The following ALG12 variants were observed in gnomAD, a reference collection of about 807,000 sequenced individuals.
ALG12 encodes ALG12 alpha-1,6-mannosyltransferase.
In ALG12, 36 loss-of-function variants were observed where a neutral mutation model predicts 46.0. The ratio of observed to expected loss-of-function variants is 0.78; its 90% CI spans 0.60 to 1.03. The LOEUF (loss-of-function observed/expected upper bound fraction) is 1.03. Ranked by LOEUF, ALG12 falls within the 50% of genes least tolerant of loss-of-function variation. The probability of loss-of-function intolerance (pLI) is 0.00; values close to 1 mark genes in which losing one functional copy is unlikely to be tolerated. For synonymous variants in ALG12, 326 were observed against 291.6 expected, an observed-to-expected ratio of 1.12 and a Z score of -1.20; for missense variants, 599 against 633.5, an observed-to-expected ratio of 0.95 and a Z score of 0.58.
At chr22:49,915,992 G>A (rs561559934) in intron 1 of ALG12, among the ~76,000 whole-genome samples, 1 of 152,336 alleles carries the variant, frequency 6.6e-6, no homozygotes, top group South Asian at 2.1e-4. Flanking sequence ...GGGAGCGGTG[G>A]CTCATTCCTG....
the ALG12 span, among the ~76,000 whole-genome samples, chr22:49,878,301 C>CA: frequency 0.017 from 1,824 of 107,178 alleles, 74 homozygotes; most frequent in African/African-American, 0.064. Flanking sequence ...GACACTGTCT[C>CA]AAAAAAAAAA....
At chr22:49,899,835 C>A (rs535729236), downstream of ALG12, among the ~76,000 whole-genome samples, 1 of 152,018 alleles carries the variant, frequency 6.6e-6, no homozygotes, top group South Asian at 2.1e-4. Context: ...GAAATCCTTG[C>A]ATCGACACCA....
chr22:49,861,712 C>T, the ALG12 span, among the ~76,000 whole-genome samples: 1 of 152,204 alleles, frequency 6.6e-6, no homozygotes, highest in African/African-American at 2.4e-5. Flanking sequence ...GCTGGGATTA[C>T]AGGCGTGAGC....
the ALG12 span, chr22:49,889,457 A>G: frequency 6.0e-6 from 1 of 166,890 alleles, no homozygotes; most frequent in East Asian, 1.9e-4. Flanking sequence ...GCCTGCCTTT[A>G]TGGGGTTTTT....
chr22:49,885,834 G>A, the ALG12 span: 2 of 1,539,714 alleles, frequency 1.3e-6, no homozygotes. Flanking sequence ...AGGAAGCTGA[G>A]AGTGGTGTGA....
At chr22:49,885,615 T>C in the ALG12 span, 1 of 1,611,224 alleles carries the variant, frequency 6.2e-7, no homozygotes, top group Non-Finnish European at 8.5e-7. Context: ...TTTACGATTC[T>C]CACCCAGTTG....
chr22:49,885,833 A>G, the ALG12 span: 1 of 1,546,098 alleles, frequency 6.5e-7, no homozygotes, highest in East Asian at 2.2e-5. Flanking sequence ...AAGGAAGCTG[A>G]GAGTGGTGTG....
intron 3 of ALG12, among the ~76,000 whole-genome samples, chr22:49,912,076 G>A (rs151082626): frequency 0.13 from 15,921 of 119,226 alleles, 995 homozygotes; most frequent in South Asian, 0.19. Flanking sequence ...GCCTGGCCCC[G>A]GGATCACCCT....
At chr22:49,895,609 A>G (rs1479091476), downstream of ALG12, among the ~76,000 whole-genome samples, 3 of 151,720 alleles carry the variant, frequency 2.0e-5, no homozygotes, top group Non-Finnish European at 4.4e-5. Context: ...CTGAGGTCGC[A>G]CCATTGCACT....
At chr22:49,886,586 C>T in the ALG12 span, 9 of 1,556,076 alleles carry the variant, frequency 5.8e-6, no homozygotes, top group East Asian at 2.3e-5. The surrounding 1 kb of genome is among the most constrained non-coding windows in gnomAD (Gnocchi z 7.7). Context: ...TTCGAGGAGA[C>T]GATGGGCATC....
chr22:49,901,463 GGTAT>G lies in ALG12; in HGVS notation c.*2371_*2374del, dbSNP rs977439458. On this transcript the variant is annotated 3_prime_UTR_variant, in exon 10 of 10. Transcript: ENST00000330817. Reference sequence around the variant, plus strand: ...TTTATGCACACGTGTGTGCATGTGTGGTATGTATGCATGGTGTGTGCACGTGTGC... The same window carrying G: ...TTTATGCACACGTGTGTGCATGTGTGGTATGCATGGTGTGTGCACGTGTGC... 1 of 152,046 alleles carries G rather than the reference GGTAT, an allele frequency of 6.6e-6. No homozygotes were observed. The highest frequency in any genetic ancestry group is 1.5e-5 in the Non-Finnish European group (1 of 68,038). 9.4% of individuals were successfully genotyped at this position (152,046 alleles called of 1,614,324 possible).
Position 49,901,601 on chromosome 22 carries a change from G to C in ALG12, c.*2237C>G, listed in dbSNP as rs577276133. On this transcript the variant is annotated 3_prime_UTR_variant, in exon 10 of 10. Transcript: ENST00000330817. ...GTGTATGCATGGTGTGTGCACCTGTGCATTGTGTGTGTGCATGCGTGGTGG... is the reference window on the plus strand; with the variant it reads ...GTGTATGCATGGTGTGTGCACCTGTCCATTGTGTGTGTGCATGCGTGGTGG... 3.4e-3 allele frequency: 511 copies of C among 150,784 alleles called. 2 individuals carry two copies. The highest frequency in any genetic ancestry group is 5.8e-3 in the Non-Finnish European group (394 of 67,930). The allele number at this position is 150,784 out of a possible 1,614,324, so 9.3% of individuals were successfully genotyped here. A position where few individuals can be genotyped will look rare whatever the true frequency, so the allele number is the denominator to read the frequency against.
the ALG12 span, among the ~76,000 whole-genome samples, chr22:49,892,995 G>A: frequency 2.6e-5 from 4 of 152,188 alleles, no homozygotes; most frequent in African/African-American, 9.7e-5. Context: ...GGTGGAGAAT[G>A]CCACCAGAGA....
In ALG12 at chr22:49,902,063, CTG is replaced by C. The variant is rs141977152; in HGVS notation, c.*1773_*1774del. On this transcript the variant is annotated 3_prime_UTR_variant, in exon 10 of 10. Transcript: ENST00000330817. The stretch of plus-strand genomic sequence containing the variant: ...ATGCATGGTAACGTACACGTGTGCA[CTG>C]TGTGTGGTGTGCATGCATGGTGTGT... 18,788 of 111,550 alleles carry C rather than the reference CTG, an allele frequency of 0.17. 4,731 individuals carry two copies. The highest frequency in any genetic ancestry group is 0.6 in the African/African-American group (12,843 of 21,548). 6.9% of individuals were successfully genotyped at this position (111,550 alleles called of 1,614,324 possible). A position where few individuals can be genotyped will look rare whatever the true frequency, so the allele number is the denominator to read the frequency against.
At chr22:49,878,745 A>T in the ALG12 span, among the ~76,000 whole-genome samples, 3 of 152,126 alleles carry the variant, frequency 2.0e-5, no homozygotes, top group African/African-American at 7.2e-5. Context: ...AAAATACACT[A>T]GTAAAAGAAT....
the ALG12 span, among the ~76,000 whole-genome samples, chr22:49,879,284 C>T: frequency 1.1e-4 from 16 of 151,428 alleles, no homozygotes; most frequent in African/African-American, 1.7e-4. Flanking sequence ...GCCACCACGC[C>T]GCGCTAATTT....
chr22:49,883,134 C>T, the ALG12 span, among the ~76,000 whole-genome samples: 1 of 152,006 alleles, frequency 6.6e-6, no homozygotes, highest in Non-Finnish European at 1.5e-5. Context: ...TTTTTCATGT[C>T]TCTATTTTTT....
Position 49,902,978 on chromosome 22 carries a change from CATGCGTGTGTG to C in ALG12, c.*849_*859del. ...GGTGTGTGCACGTGTGCACTGTGTG[CATGCGTGTGTG>C]GTGTGTGTGCATGTATGCATGGTGT... On this transcript the variant is annotated 3_prime_UTR_variant, in exon 10 of 10. Transcript: ENST00000330817. 3.1e-6 allele frequency: 1 copy of C among 325,948 alleles called. No individual in the cohort carries two copies. The highest frequency in any genetic ancestry group is 5.9e-6 in the Non-Finnish European group (1 of 169,022). The allele number at this position is 325,948 out of a possible 1,614,324, so 20.2% of individuals were successfully genotyped here.
chr22:49,891,030 A>C, the ALG12 span, among the ~76,000 whole-genome samples: 2 of 111,038 alleles, frequency 1.8e-5, no homozygotes, highest in Non-Finnish European at 2.0e-5. Context: ...ACTCCATCTC[A>C]AAAAAAAAAA....
Sources: allele counts gnomAD v4.1 joint callset (sites outside exome capture counted in the v4.1 genomes callset), GRCh38; gene constraint gnomAD v4.1.1; non-coding constraint Gnocchi (gnomAD v3.1); transcripts MANE v1.5; gene names NCBI Gene and HGNC (gene_info 2026-07-23, HGNC 2026-07-21).